Variants in BPTF observed in about 807,000 individuals in gnomAD.
BPTF encodes bromodomain PHD finger transcription factor, also known as nucleosome-remodeling factor subunit BPTF.
In BPTF, 18 loss-of-function variants were observed where a neutral mutation model predicts 292.5. That is an observed-to-expected ratio of 0.06 (90% CI 0.04 to 0.09). The LOEUF (loss-of-function observed/expected upper bound fraction) is 0.09. Among genes scored for constraint, BPTF ranks in the 10% least tolerant of loss-of-function variants. BPTF has a pLI of 1.00. For synonymous variants in BPTF, 1,225 were observed against 1,251.9 expected (o/e 0.98, Z 0.45); for missense variants, 2,726 against 3,498.7 (o/e 0.78, Z 5.57).
intron 1 of BPTF, among the ~76,000 whole-genome samples, chr17:67,844,589 CAG>C (rs1431759276): frequency 4.2e-5 from 6 of 144,304 alleles, no homozygotes; most frequent in African/African-American, 1.6e-4. Context: ...TTACTAGAGA[CAG>C]AGTTTCACCA....
chr17:67,893,786 T>G, intron 6 of BPTF, 61 bp downstream of exon 6: 2 of 1,366,262 alleles, frequency 1.5e-6, no homozygotes, highest in Non-Finnish European at 2.0e-6. Context: ...AAAATGATTG[T>G]TGTAGTTGTG....
intron 19 of BPTF, among the ~76,000 whole-genome samples, chr17:67,943,067 A>G (rs537630986): frequency 6.6e-6 from 1 of 152,136 alleles, no homozygotes; most frequent in South Asian, 2.1e-4. Flanking sequence ...GTAGTAATGA[A>G]ATACAGTGTT....
intron 1 of BPTF, among the ~76,000 whole-genome samples, chr17:67,836,472 G>T (rs1357981664): frequency 6.6e-6 from 1 of 152,156 alleles, no homozygotes; most frequent in Non-Finnish European, 1.5e-5. Context: ...GTATTAATCT[G>T]TGTGGAATTT....
chr17:67,893,991 T>G, intron 6 of BPTF, 43 bp from the exon 7 acceptor site: 1 of 1,601,536 alleles, frequency 6.2e-7, no homozygotes, highest in Non-Finnish European at 8.5e-7. Flanking sequence ...TAATTTAAGG[T>G]CAACCTAGTG....
intron 4 of BPTF, among the ~76,000 whole-genome samples, chr17:67,884,372 T>A (rs2060617466): frequency 6.6e-6 from 1 of 151,578 alleles, no homozygotes; most frequent in Admixed American, 6.6e-5. Context: ...CACCTCAGCC[T>A]TCCAAAGTGT....
chr17:67,861,871 T>C (rs1159161069), intron 2 of BPTF, among the ~76,000 whole-genome samples: 1 of 152,256 alleles, frequency 6.6e-6, no homozygotes, highest in Non-Finnish European at 1.5e-5. Flanking sequence ...TTTATGCTAC[T>C]TCCTAGGGAT....
intron 1 of BPTF, among the ~76,000 whole-genome samples, chr17:67,849,184 AT>A (rs1252317046): frequency 1.3e-5 from 2 of 152,198 alleles, no homozygotes; most frequent in Non-Finnish European, 2.9e-5. Flanking sequence ...GGGGAGAAGG[AT>A]AAAAATATAG....
At chr17:67,857,813 G>A (rs1264947225) in intron 2 of BPTF, among the ~76,000 whole-genome samples, 6 of 119,844 alleles carry the variant, frequency 5.0e-5, no homozygotes, top group South Asian at 2.6e-4. Flanking sequence ...TTGAGACAGC[G>A]TCTCACTCTG....
intron 1 of BPTF, among the ~76,000 whole-genome samples, chr17:67,830,632 GGAGGGA>G (rs1276485824): frequency 1.3e-5 from 2 of 151,980 alleles, no homozygotes; most frequent in Non-Finnish European, 2.9e-5. Flanking sequence ...AGGGAGGGAG[GGAGGGA>G]GAGGGAGCGG....
chr17:67,830,417 A>C (rs145667824), intron 1 of BPTF, among the ~76,000 whole-genome samples: 2 of 152,368 alleles, frequency 1.3e-5, no homozygotes, highest in African/African-American at 2.4e-5. Flanking sequence ...CATAGATTCA[A>C]ATTCAAGCAG....
intron 1 of BPTF, 30 bp from the exon 2 acceptor site, chr17:67,853,910 T>C (rs1227289716): frequency 9.1e-6 from 14 of 1,545,198 alleles, no homozygotes; most frequent in Non-Finnish European, 1.2e-5. Context: ...AATGTATTGA[T>C]TTGTAATGAT....
At chr17:67,885,075 A>C (rs1351227508) in intron 4 of BPTF, among the ~76,000 whole-genome samples, 2 of 152,200 alleles carry the variant, frequency 1.3e-5, no homozygotes, top group Non-Finnish European at 2.9e-5. Context: ...CCTGAAACCC[A>C]AAATTATACA....
chr17:67,897,341 CAAAAAAAAAAAAAAAAAA>C (rs750678904), intron 7 of BPTF, among the ~76,000 whole-genome samples: 2 of 17,768 alleles, frequency 1.1e-4, no homozygotes, highest in East Asian at 3.0e-3. Context: ...AACTCTGTCT[CAAAAAAAAAAAAAAAAAA>C]AAAAAAAAAA....
intron 23 of BPTF, among the ~76,000 whole-genome samples, chr17:67,957,949 A>G (rs538669878): frequency 6.6e-6 from 1 of 152,322 alleles, no homozygotes; most frequent in East Asian, 1.9e-4. Flanking sequence ...TAGGGTAATA[A>G]GGTTTGCTTT....
chr17:67,831,565 A>G (rs2056683469), intron 1 of BPTF, among the ~76,000 whole-genome samples: 1 of 152,070 alleles, frequency 6.6e-6, no homozygotes, highest in Admixed American at 6.5e-5. Context: ...GGATGTTAAG[A>G]CCAGGAACTC....
chr17:67,887,331 T>G (rs2060814294), intron 4 of BPTF, among the ~76,000 whole-genome samples: 1 of 152,200 alleles, frequency 6.6e-6, no homozygotes, highest in African/African-American at 2.4e-5. Flanking sequence ...GAATGCTTTA[T>G]GTATTGTTGC....
At chr17:67,939,245 A>G (rs903048051) in intron 18 of BPTF, among the ~76,000 whole-genome samples, 1 of 152,238 alleles carries the variant, frequency 6.6e-6, no homozygotes, top group Admixed American at 6.5e-5. Flanking sequence ...TGAATGTCAA[A>G]ATAAGTTTCA....
chr17:67,906,517 C>T (rs1263536728), intron 9 of BPTF, among the ~76,000 whole-genome samples: 1 of 152,128 alleles, frequency 6.6e-6, no homozygotes, highest in Non-Finnish European at 1.5e-5. Flanking sequence ...GATTATTTCA[C>T]GAGGGTGCCA....
At position 67,879,145 on chromosome 17, in the gene BPTF, T is replaced by G. The variant is rs867366293; in HGVS notation, c.1864+4125T>G. On this transcript the variant is annotated intron_variant, in intron 4 of 27. Coordinates refer to ENST00000306378, the MANE Select transcript of BPTF (RefSeq NM_182641.4). ...CTGTTGTTAATTATTTCTTTTTTTT[T>G]TTTTTTTTCTTTTTGAGATGGAGTT... 8.5e-3 allele frequency among the ~76,000 whole-genome samples: 1,181 copies of G among 138,576 alleles called. 27 individuals are homozygous for G. Among genetic ancestry groups the G allele is most frequent in the African/African-American group, 0.029 (1,133 of 39,392 alleles). 90.9% of individuals were successfully genotyped at this position (138,576 alleles called of 152,430 possible).
Sources: gnomAD v4.1 joint callset for allele counts (sites outside exome capture counted in the v4.1 genomes callset) on GRCh38, gnomAD v4.1.1 for gene constraint, MANE v1.5 for transcripts, NCBI Gene and HGNC (gene_info 2026-07-23, HGNC 2026-07-21) for gene names.